Variants in EXOC6 observed in about 807,000 individuals in gnomAD.
EXOC6 encodes exocyst complex component 6.
In EXOC6, 60 loss-of-function variants were observed where a neutral mutation model predicts 112.5. The ratio of observed to expected loss-of-function variants is 0.53; its 90% CI spans 0.43 to 0.66. The LOEUF (loss-of-function observed/expected upper bound fraction) is 0.66. Ranked by LOEUF, EXOC6 falls within the 30% of genes least tolerant of loss-of-function variation. The pLI, the probability that EXOC6 is intolerant of heterozygous loss-of-function variation, is 0.00. For missense variants in EXOC6, 855 were observed against 957.1 expected, an observed-to-expected ratio of 0.89 and a Z score of 1.41; for synonymous variants, 295 against 308.0, an observed-to-expected ratio of 0.96 and a Z score of 0.44.
Position 92,958,429 on chromosome 10 carries a change from T to C in EXOC6, c.1773+2715T>C, listed in dbSNP as rs116635057. ...GTTGTCTTTTGAGTCCTGGCAGTAA[T>C]TGCAACTGTAAATGCCTAGAAGAAA... is the stretch of plus-strand genomic sequence containing the variant. On this transcript the variant is annotated intron_variant, in intron 17 of 21. Coordinates refer to ENST00000260762, the MANE Select transcript of EXOC6 (RefSeq NM_019053.6). 5.6e-3 allele frequency among the ~76,000 whole-genome samples: 846 copies of C among 152,348 alleles called. 6 individuals are homozygous for C. Among genetic ancestry groups the C allele is most frequent in the African/African-American group, 0.017 (699 of 41,576 alleles).
At chr10:92,890,533 A>G (rs940277718) in intron 1 of EXOC6, among the ~76,000 whole-genome samples, 1 of 152,190 alleles carries the variant, frequency 6.6e-6, no homozygotes, top group Non-Finnish European at 1.5e-5. Context: ...GTAGGGGAAG[A>G]CAGATAATAC....
chr10:92,973,374 T>A (rs976161597), intron 17 of EXOC6, among the ~76,000 whole-genome samples: 4 of 152,220 alleles, frequency 2.6e-5, no homozygotes, highest in African/African-American at 9.7e-5. Context: ...AAGCTCATTT[T>A]TCTACCAAGA....
intron 20 of EXOC6, among the ~76,000 whole-genome samples, chr10:93,053,606 CTG>C (rs1437884937): frequency 6.6e-6 from 1 of 152,182 alleles, no homozygotes; most frequent in Non-Finnish European, 1.5e-5. Context: ...CATAGTTTGC[CTG>C]CAAGCCAACA....
chr10:93,012,949 G>A (rs1338266203), intron 19 of EXOC6, among the ~76,000 whole-genome samples: 2 of 152,058 alleles, frequency 1.3e-5, no homozygotes, highest in Non-Finnish European at 2.9e-5. Context: ...TTGGGAGGCT[G>A]ATTCCTTGAG....
At chr10:92,920,766 C>T (rs1851389320) in intron 8 of EXOC6, among the ~76,000 whole-genome samples, 1 of 151,906 alleles carries the variant, frequency 6.6e-6, no homozygotes. Context: ...TTTTTAGGGC[C>T]TTGTTGGCAG....
rs867285590 is a variant in EXOC6, at chr10:92,975,904, G to A, written c.1953+1672G>A. On this transcript the variant is annotated intron_variant, in intron 18 of 21. Transcript: ENST00000260762. ...GCCCCTCTGCCTGGCCAGCCGCCCC[G>A]TCCGGGAGGGAGGTGGGGGGGTCAG... Among the ~76,000 whole-genome samples the A allele has an allele frequency of 9.0e-3, 1,214 of 134,266 alleles. 2 individuals carry two copies. Among genetic ancestry groups the A allele is most frequent in the African/African-American group, 0.033 (1,122 of 34,390 alleles). The allele number at this position is 134,266 out of a possible 152,430, so 88.1% of individuals were successfully genotyped here.
intron 17 of EXOC6, among the ~76,000 whole-genome samples, chr10:92,966,500 A>T (rs1023631243): frequency 7.5e-6 from 1 of 133,134 alleles, no homozygotes; most frequent in African/African-American, 2.9e-5. Flanking sequence ...ATGTGTTCTC[A>T]TTGTTCAATT....
intron 18 of EXOC6, among the ~76,000 whole-genome samples, chr10:92,975,277 G>T (rs533112772): frequency 6.6e-6 from 1 of 151,678 alleles, no homozygotes; most frequent in South Asian, 2.1e-4. Flanking sequence ...GGGAGGTGAG[G>T]AGCGTCTCTG....
At chr10:92,962,383 A>G (rs1009396124) in intron 17 of EXOC6, among the ~76,000 whole-genome samples, 1 of 151,178 alleles carries the variant, frequency 6.6e-6, no homozygotes, top group Non-Finnish European at 1.5e-5. Flanking sequence ...AATGTTAAAA[A>G]TATATATATA....
intron 1 of EXOC6, among the ~76,000 whole-genome samples, chr10:92,860,165 T>C (rs1333428586): frequency 6.6e-6 from 1 of 152,084 alleles, no homozygotes; most frequent in Non-Finnish European, 1.5e-5. Context: ...AAAATTCATA[T>C]AACATAAGAT....
intron 1 of EXOC6, among the ~76,000 whole-genome samples, chr10:92,865,363 G>T (rs796278399): frequency 6.6e-6 from 1 of 151,968 alleles, no homozygotes; most frequent in Non-Finnish European, 1.5e-5. Context: ...GTGAAACCCC[G>T]TCTCTACTAA....
At chr10:92,882,911 C>CA (rs2133774375) in intron 1 of EXOC6, among the ~76,000 whole-genome samples, 1 of 152,302 alleles carries the variant, frequency 6.6e-6, no homozygotes, top group Admixed American at 6.5e-5. Flanking sequence ...ACAACATGGT[C>CA]ACTCAGGTAG....
Position 92,878,121 on chromosome 10 carries a change from T to A in EXOC6, c.102-15228T>A, listed in dbSNP as rs1339534457. 3 of 152,592 alleles carry A rather than the reference T, an allele frequency of 2.0e-5. No individual in the cohort carries two copies. In the South Asian group the frequency reaches 6.2e-4, roughly 31 times the overall value. The allele number at this position is 152,592 out of a possible 1,614,324, so 9.5% of individuals were successfully genotyped here. On this transcript the variant is annotated intron_variant, in intron 1 of 21. Coordinates refer to ENST00000260762, the MANE Select transcript of EXOC6 (RefSeq NM_019053.6). ...AGTGGGTGTATTCTGGCTGGTAGAT[T>A]GACTGCTTTTATTTGTTTGCCATGT...
chr10:93,008,230 G>T (rs1328598500), intron 19 of EXOC6, among the ~76,000 whole-genome samples: 1 of 152,064 alleles, frequency 6.6e-6, no homozygotes. Flanking sequence ...AAAATAAGAG[G>T]AAATGAATAT....
At chr10:92,923,300 T>G (rs1851542974) in intron 8 of EXOC6, among the ~76,000 whole-genome samples, 1 of 152,246 alleles carries the variant, frequency 6.6e-6, no homozygotes, top group Non-Finnish European at 1.5e-5. Flanking sequence ...TTCTTTAGTT[T>G]ATCATTGATC....
intron 20 of EXOC6, among the ~76,000 whole-genome samples, chr10:93,016,088 G>A (rs117930593): frequency 6.6e-6 from 1 of 151,926 alleles, no homozygotes; most frequent in African/African-American, 2.4e-5. Context: ...ATTATCACTG[G>A]CTAAGTAAAT....
At chr10:92,895,080 G>T (rs1246490440) in intron 4 of EXOC6, 60 bp downstream of exon 4, 3 of 956,250 alleles carry the variant, frequency 3.1e-6, no homozygotes, top group Non-Finnish European at 5.1e-6. Flanking sequence ...TTTAATAATA[G>T]CAAGTAGTGA....
intron 19 of EXOC6, among the ~76,000 whole-genome samples, chr10:93,007,320 T>C (rs1844039178): frequency 6.6e-6 from 1 of 151,988 alleles, no homozygotes; most frequent in African/African-American, 2.4e-5. Context: ...AAATAACTCA[T>C]GTTTTGCCTA....
Position 92,890,102 on chromosome 10 carries a change from A to T in EXOC6, c.102-3247A>T, listed in dbSNP as rs143915722. ...TGATATTGTCTTCCTCTTCATAAAC[A>T]TGGAATAGTTCTTTATTTATTTAGT... On this transcript the variant is annotated intron_variant, in intron 1 of 21. Coordinates refer to ENST00000260762, the MANE Select transcript of EXOC6 (RefSeq NM_019053.6). Among the ~76,000 whole-genome samples, 540 of 152,306 alleles carry T rather than the reference A, an allele frequency of 3.5e-3. 1 individual carries two copies. The highest frequency in any genetic ancestry group is 5.4e-3 in the Non-Finnish European group (368 of 68,022).
Sources: allele counts gnomAD v4.1 joint callset (sites outside exome capture counted in the v4.1 genomes callset), GRCh38; gene constraint gnomAD v4.1.1; transcripts MANE v1.5; gene names NCBI Gene and HGNC (gene_info 2026-07-23, HGNC 2026-07-21).